Variants in WIPI2 observed in about 807,000 individuals in gnomAD.
WIPI2 encodes WD repeat domain phosphoinositide-interacting protein 2.
Under a neutral mutation model 52.3 loss-of-function variants are expected in WIPI2, and 28 were observed. That is an observed-to-expected ratio of 0.54 (90% CI 0.40 to 0.73). WIPI2 has a LOEUF of 0.73. Among genes scored for constraint, WIPI2 ranks in the 30% least tolerant of loss-of-function variants. The pLI is 0.00. For synonymous variants in WIPI2, 268 were observed against 245.0 expected, an observed-to-expected ratio of 1.09 and a Z score of -0.88; for missense variants, 506 against 602.9, an observed-to-expected ratio of 0.84 and a Z score of 1.68.
chr7:5,214,467 CGCAGATTCT>C, intron 3 of WIPI2, 59 bp from the exon 4 acceptor site: 1 of 1,613,730 alleles, frequency 6.2e-7, no homozygotes, highest in Non-Finnish European at 8.5e-7. Context: ...TGTTTTTGAG[CGCAGATTCT>C]GCCTGTGGCC....
Position 5,233,613 on chromosome 7 carries a change from C to G in WIPI2, c.*2666C>G, listed in dbSNP as rs1783831400. On this transcript the variant is annotated 3_prime_UTR_variant, in exon 13 of 13. Transcript: ENST00000288828. The stretch of plus-strand genomic sequence containing the variant: ...CCAAGAGCTGGATGGAACCTGGAGT[C>G]AAAAAGAACTGCTTCAGTCCCCGCT... 6.6e-6 allele frequency: 1 copy of G among 152,492 alleles called. No individual in the cohort carries two copies. Among genetic ancestry groups the G allele is most frequent in the Non-Finnish European group, 1.5e-5 (1 of 68,064 alleles). 9.4% of individuals were successfully genotyped at this position (152,492 alleles called of 1,614,324 possible). A position where few individuals can be genotyped will look rare whatever the true frequency, so the allele number is the denominator to read the frequency against.
chr7:5,201,810 C>A lies in WIPI2; in HGVS notation c.211+2152C>A, dbSNP rs530795928. ...CATGGTAAGGTGGGTGCATGAATGT[C>A]TGTGTTCTTCTTAGTGAACTTTGGC... is the stretch of plus-strand genomic sequence containing the variant. On this transcript the variant is annotated intron_variant, in intron 3 of 12. Coordinates refer to ENST00000288828, the MANE Select transcript of WIPI2 (RefSeq NM_015610.4). 2.6e-5 allele frequency among the ~76,000 whole-genome samples: 4 copies of A among 152,286 alleles called. No homozygotes were observed. The East Asian group carries it at 7.7e-4, about 29-fold the overall frequency.
At chr7:5,217,577 G>A (rs1782881344) in intron 6 of WIPI2, 4 of 408,230 alleles carry the variant, frequency 9.8e-6, no homozygotes, top group South Asian at 2.3e-5. Context: ...GACTACAGGC[G>A]GGTGCCCCGC....
chr7:5,227,627 C>T lies in WIPI2; in HGVS notation c.1013+283C>T, dbSNP rs1322878566. 2.0e-5 allele frequency among the ~76,000 whole-genome samples: 3 copies of T among 152,124 alleles called. No homozygotes were observed. In the South Asian group the frequency reaches 6.2e-4, roughly 32 times the overall value. ...ACCTCGTGAGTGTGCCGTAGTTAAC[C>T]CTTTGGGGCCACAGAAACCGCACTT... On this transcript the variant is annotated intron_variant, in intron 10 of 12. Coordinates refer to ENST00000288828, the MANE Select transcript of WIPI2 (RefSeq NM_015610.4). The surrounding 1 kb of genome is among the most constrained non-coding windows in gnomAD (Gnocchi z 8.1).
At chr7:5,206,980 T>G (rs1006622381) in intron 3 of WIPI2, among the ~76,000 whole-genome samples, 1 of 152,192 alleles carries the variant, frequency 6.6e-6, no homozygotes, top group African/African-American at 2.4e-5. Context: ...GATCTTGTTA[T>G]GTTGTCCAGG....
rs927723053 is a variant in WIPI2, at chr7:5,214,776, C to T, written c.381+72C>T. 4.4e-5 allele frequency: 67 copies of T among 1,534,068 alleles called. No individual in the cohort carries two copies. In the South Asian group the frequency reaches 6.1e-4, roughly 14 times the overall value. On this transcript the variant is annotated intron_variant, in intron 4 of 12. Transcript: ENST00000288828. ...AGCACTCTGGGACAAGCCCACCCCA[C>T]CGGCATGCCCCTCCGTCATTCCCTT...
chr7:5,207,209 G>A (rs906860289), intron 3 of WIPI2, among the ~76,000 whole-genome samples: 2 of 152,182 alleles, frequency 1.3e-5, no homozygotes, highest in African/African-American at 2.4e-5. Flanking sequence ...TCTATCTTGA[G>A]TGAACACTAT....
At chr7:5,223,789 A>G (rs576649555) in intron 8 of WIPI2, among the ~76,000 whole-genome samples, 1 of 152,038 alleles carries the variant, frequency 6.6e-6, no homozygotes, top group Non-Finnish European at 1.5e-5. Context: ...CTTGGTAAAT[A>G]GCGCCACTTG....
chr7:5,201,334 A>T (rs1280433187), intron 3 of WIPI2, among the ~76,000 whole-genome samples: 1 of 152,250 alleles, frequency 6.6e-6, no homozygotes, highest in Non-Finnish European at 1.5e-5. Context: ...GAGTGGAAGA[A>T]TGCCAAAACC....
intron 3 of WIPI2, among the ~76,000 whole-genome samples, chr7:5,203,714 G>C: frequency 7.0e-6 from 1 of 142,166 alleles, no homozygotes; most frequent in Non-Finnish European, 1.5e-5. Context: ...CTCACTGCAA[G>C]CTCCGCCTCC....
chr7:5,220,017 G>A (rs1169889048), intron 7 of WIPI2, among the ~76,000 whole-genome samples: 1 of 151,828 alleles, frequency 6.6e-6, no homozygotes, highest in East Asian at 2.0e-4. Flanking sequence ...TGTACTTTTT[G>A]TAGAGATGGG....
chr7:5,196,405 A>G (rs150439426), intron 2 of WIPI2, among the ~76,000 whole-genome samples: 6 of 152,326 alleles, frequency 3.9e-5, no homozygotes, highest in Admixed American at 1.3e-4. Flanking sequence ...ACTATGGTAT[A>G]TATATCTCAA....
At chr7:5,212,101 T>C (rs762384061) in intron 3 of WIPI2, among the ~76,000 whole-genome samples, 2 of 152,182 alleles carry the variant, frequency 1.3e-5, no homozygotes, top group Non-Finnish European at 2.9e-5. Flanking sequence ...TTGGGGAGTT[T>C]GGGGAATATC....
At chr7:5,221,488 A>G (rs770482485) in intron 7 of WIPI2, among the ~76,000 whole-genome samples, 2 of 152,194 alleles carry the variant, frequency 1.3e-5, no homozygotes, top group Non-Finnish European at 2.9e-5. Context: ...AATGCTACCC[A>G]TTTTAAGGCC....
chr7:5,224,504 G>T (rs970685114), intron 8 of WIPI2, among the ~76,000 whole-genome samples: 2 of 152,216 alleles, frequency 1.3e-5, no homozygotes, highest in African/African-American at 2.4e-5. Context: ...CTGGCCATGC[G>T]GGAGGCTGGA....
chr7:5,190,710 G>T, intron 1 of WIPI2: 1 of 403,818 alleles, frequency 2.5e-6, no homozygotes, highest in African/African-American at 2.1e-5. Flanking sequence ...GTCCCGGAGC[G>T]GGAGAGGTGG....
At position 5,229,698 on chromosome 7, in the gene WIPI2, A is replaced by G; in HGVS notation, c.1212A>G (p.Ala404=). ...TCACTCAGACATACGGCGCAGCTGC[A>G]GGAAAAGGTACTTACGTGCCTTCAT... ...PLVTQTYGAA[A]GKGTYVPSSP... is the part of the protein sequence containing the mutation. Residue 404 remains alanine (A), a synonymous_variant, in exon 12 of 13, where the codon GCA becomes GCG. Coordinates refer to ENST00000288828, the MANE Select transcript of WIPI2 (RefSeq NM_015610.4). The G allele has an allele frequency of 6.2e-7, 1 of 1,614,042 alleles. No homozygotes were observed. Among genetic ancestry groups the G allele is most frequent in the Non-Finnish European group, 8.5e-7 (1 of 1,179,952 alleles).
intron 3 of WIPI2, among the ~76,000 whole-genome samples, chr7:5,209,781 C>T (rs1369804415): frequency 6.6e-6 from 1 of 152,156 alleles, no homozygotes; most frequent in African/African-American, 2.4e-5. Flanking sequence ...CAAGCAGTCT[C>T]AACCATAAAT....
chr7:5,198,501 A>G (rs1583543084), intron 2 of WIPI2, among the ~76,000 whole-genome samples: 1 of 152,140 alleles, frequency 6.6e-6, no homozygotes, highest in Admixed American at 6.5e-5. Flanking sequence ...TTTAGTAGAG[A>G]CAGGTTTTCG....
Sources: allele counts gnomAD v4.1 joint callset (sites outside exome capture counted in the v4.1 genomes callset), GRCh38; gene constraint gnomAD v4.1.1; non-coding constraint Gnocchi (gnomAD v3.1); transcripts MANE v1.5; gene names NCBI Gene and HGNC (gene_info 2026-07-23, HGNC 2026-07-21).